The following FYN variants were observed in gnomAD, a reference collection of about 807,000 sequenced individuals.
FYN encodes the protein tyrosine-protein kinase Fyn.
In FYN, 10 loss-of-function variants were observed where a neutral mutation model predicts 70.2. That is an observed-to-expected ratio of 0.14 (90% CI 0.09 to 0.24). The LOEUF (loss-of-function observed/expected upper bound fraction) is 0.24, where lower values mean the gene tolerates loss of function less well. Among genes scored for constraint, FYN ranks in the 10% least tolerant of loss-of-function variants. FYN has a pLI of 1.00. For missense variants in FYN, 319 were observed against 673.1 expected (o/e 0.47, Z 5.82); for synonymous variants, 236 against 248.6 (o/e 0.95, Z 0.48).
At chr6:111,858,907 A>G (rs1274615078) in intron 1 of FYN, among the ~76,000 whole-genome samples, 1 of 151,260 alleles carries the variant, frequency 6.6e-6, no homozygotes, top group African/African-American at 2.4e-5. Flanking sequence ...CATTTATATC[A>G]TTATATATTT....
chr6:111,828,080 C>G (rs1368017619), intron 2 of FYN, among the ~76,000 whole-genome samples: 1 of 152,206 alleles, frequency 6.6e-6, no homozygotes, highest in East Asian at 1.9e-4. Context: ...GACTGTGTAC[C>G]CTGAGAACTT....
chr6:111,703,609 T>C (rs1262378277), intron 7 of FYN, among the ~76,000 whole-genome samples: 2 of 152,276 alleles, frequency 1.3e-5, no homozygotes, highest in African/African-American at 2.4e-5. Context: ...AGTCCAACAG[T>C]TGGAGGAAGA....
At chr6:111,699,981 C>T (rs1307603650) in intron 9 of FYN, 123 bp downstream of exon 9, 5 of 668,334 alleles carry the variant, frequency 7.5e-6, no homozygotes, top group Non-Finnish European at 1.2e-5. Flanking sequence ...ATTATTATTC[C>T]CCACTATTAG....
intron 3 of FYN, among the ~76,000 whole-genome samples, chr6:111,775,125 A>G (rs1803655677): frequency 6.6e-6 from 1 of 152,216 alleles, no homozygotes; most frequent in African/African-American, 2.4e-5. Context: ...AACCACCTGG[A>G]TCCCAGGTGG....
intron 3 of FYN, among the ~76,000 whole-genome samples, chr6:111,765,346 GTCT>G (rs2128496451): frequency 6.6e-6 from 1 of 152,262 alleles, no homozygotes; most frequent in East Asian, 1.9e-4. Context: ...AATAGGGCTG[GTCT>G]TCTTATAGGA....
At chr6:111,716,602 C>A (rs1341461543) in intron 4 of FYN, among the ~76,000 whole-genome samples, 1 of 151,766 alleles carries the variant, frequency 6.6e-6, no homozygotes, top group Non-Finnish European at 1.5e-5. Context: ...AAATGTCTAA[C>A]TAAGTGCCAT....
intron 2 of FYN, among the ~76,000 whole-genome samples, chr6:111,782,023 CAAT>C (rs2128507363): frequency 6.6e-6 from 1 of 152,270 alleles, no homozygotes; most frequent in Admixed American, 6.5e-5. Flanking sequence ...GGGTTAGAGA[CAAT>C]GATGAGATCA....
At chr6:111,672,266 AG>A (rs1798312505) in intron 13 of FYN, among the ~76,000 whole-genome samples, 2 of 152,250 alleles carry the variant, frequency 1.3e-5, no homozygotes, top group South Asian at 4.2e-4. Flanking sequence ...TTGGCTTCCA[AG>A]GTCTGGCTTA....
chr6:111,871,013 T>C (rs1774255898), intron 1 of FYN, among the ~76,000 whole-genome samples: 1 of 152,220 alleles, frequency 6.6e-6, no homozygotes, highest in Admixed American at 6.5e-5. Flanking sequence ...AGTAAATATT[T>C]AATGAATCAT....
In FYN at chr6:111,660,413, TAAC is replaced by T. The variant is rs1305101149; in HGVS notation, c.*1323_*1325del. 1 of 152,144 alleles carries T rather than the reference TAAC, an allele frequency of 6.6e-6. No homozygotes were observed. The highest frequency in any genetic ancestry group is 6.5e-5 in the Admixed American group (1 of 15,276). The allele number at this position is 152,144 out of a possible 1,614,324, so 9.4% of individuals were successfully genotyped here. A position where few individuals can be genotyped will look rare whatever the true frequency, so the allele number is the denominator to read the frequency against. ...AAAATGTAAACTCACAAATAAATCATAACAAAAAAGGAATTAAGACTTCAGAGT... is the reference window on the plus strand; with the variant it reads ...AAAATGTAAACTCACAAATAAATCATAAAAAAGGAATTAAGACTTCAGAGT... On this transcript the variant is annotated 3_prime_UTR_variant, in exon 14 of 14. Transcript: ENST00000354650.
At chr6:111,669,197 G>C (rs1798144900) in intron 13 of FYN, among the ~76,000 whole-genome samples, 1 of 152,112 alleles carries the variant, frequency 6.6e-6, no homozygotes, top group South Asian at 2.1e-4. Flanking sequence ...CACTTTGGGA[G>C]GCCAAGGAGA....
At chr6:111,770,973 A>G (rs1562514162) in intron 3 of FYN, among the ~76,000 whole-genome samples, 1 of 152,104 alleles carries the variant, frequency 6.6e-6, no homozygotes, top group Non-Finnish European at 1.5e-5. Context: ...GGTCCTCCTC[A>G]ACCTCTCTGT....
chr6:111,664,425 CAT>C (rs984348256), intron 13 of FYN, among the ~76,000 whole-genome samples: 5 of 152,140 alleles, frequency 3.3e-5, no homozygotes, highest in African/African-American at 1.2e-4. Flanking sequence ...CATGTCAGTA[CAT>C]GTTTCATTTC....
intron 7 of FYN, among the ~76,000 whole-genome samples, 177 bp downstream of exon 7, chr6:111,703,822 T>A (rs1799948860): frequency 6.6e-6 from 1 of 152,218 alleles, no homozygotes. Flanking sequence ...GTAGTTCTTT[T>A]GGTGCTGTCT....
chr6:111,857,133 C>T (rs530284237), intron 1 of FYN, among the ~76,000 whole-genome samples: 2 of 152,250 alleles, frequency 1.3e-5, no homozygotes, highest in East Asian at 3.9e-4. Flanking sequence ...TTATTTAGCA[C>T]ATGAGAACTG....
chr6:111,780,984 T>A (rs1771150180), intron 2 of FYN: 1 of 152,190 alleles, frequency 6.6e-6, no homozygotes, highest in Admixed American at 6.5e-5. Flanking sequence ...AACCAATTCC[T>A]CTTTTCTTTC....
In FYN at chr6:111,757,970, A is replaced by C. The variant is rs1395074500; in HGVS notation, c.-12+22596T>G. On this transcript the variant is annotated intron_variant, in intron 3 of 13. Transcript: ENST00000354650. ...TTATTACCATTTTTAATGAAGTGAC[A>C]AAAAAAATGAGATAAAAGGGTAGAG... 2.0e-5 allele frequency among the ~76,000 whole-genome samples: 3 copies of C among 151,910 alleles called. No homozygotes were observed. The East Asian group carries it at 5.8e-4, about 29-fold the overall frequency.
chr6:111,791,736 A>G (rs1771629707), intron 2 of FYN, among the ~76,000 whole-genome samples: 1 of 152,228 alleles, frequency 6.6e-6, no homozygotes, highest in African/African-American at 2.4e-5. Flanking sequence ...TTGGACTCCT[A>G]GCCTCCAGAA....
chr6:111,846,927 C>CACACAA (rs565554790), intron 1 of FYN, among the ~76,000 whole-genome samples: 12 of 152,308 alleles, frequency 7.9e-5, no homozygotes, highest in Non-Finnish European at 1.2e-4. Context: ...TACACACACA[C>CACACAA]ACACAAACAC....
Sources: allele counts gnomAD v4.1 joint callset (sites outside exome capture counted in the v4.1 genomes callset), GRCh38; gene constraint gnomAD v4.1.1; transcripts MANE v1.5; gene names NCBI Gene and HGNC (gene_info 2026-07-23, HGNC 2026-07-21).